The following KAZN variants were observed in gnomAD, a reference collection of about 807,000 sequenced individuals.
KAZN encodes the protein kazrin, periplakin interacting protein.
A neutral mutation model predicts 87.4 loss-of-function variants in KAZN; 40 were observed. The ratio of observed to expected loss-of-function variants is 0.46; its 90% confidence interval spans 0.36 to 0.60. KAZN has a LOEUF of 0.60. Ranked by LOEUF, KAZN falls within the 20% of genes least tolerant of loss-of-function variation. KAZN has a pLI of 0.00. For synonymous variants in KAZN, 466 were observed against 458.3 expected, an observed-to-expected ratio of 1.02 and a Z score of -0.22; for missense variants, 898 against 1,073.9, an observed-to-expected ratio of 0.84 and a Z score of 2.29.
intron 2 of KAZN, among the ~76,000 whole-genome samples, chr1:14,412,819 A>G (rs1031842615): frequency 4.0e-5 from 6 of 151,610 alleles, no homozygotes; most frequent in Admixed American, 6.6e-5. Flanking sequence ...AAAAAGAACA[A>G]TATGGGGAGG....
At chr1:14,634,171 C>T (rs1010960645) in intron 1 of KAZN, among the ~76,000 whole-genome samples, 10 of 152,004 alleles carry the variant, frequency 6.6e-5, no homozygotes, top group African/African-American at 2.4e-4. Flanking sequence ...CAATGGATGC[C>T]GTTTATCGTA....
At chr1:14,371,284 G>A (rs1660464358) in intron 2 of KAZN, among the ~76,000 whole-genome samples, 2 of 152,142 alleles carry the variant, frequency 1.3e-5, no homozygotes, top group African/African-American at 4.8e-5. Context: ...GCCTCTTATG[G>A]GGGGCAAATG....
chr1:14,683,582 A>G (rs1572216235), intron 1 of KAZN, among the ~76,000 whole-genome samples: 1 of 152,214 alleles, frequency 6.6e-6, no homozygotes, highest in East Asian at 1.9e-4. Flanking sequence ...TGATAAATGG[A>G]TGCACATTGC....
At chr1:13,916,622 TA>T (rs1306469737) in intron 1 of KAZN, among the ~76,000 whole-genome samples, 1 of 152,054 alleles carries the variant, frequency 6.6e-6, no homozygotes, top group African/African-American at 2.4e-5. Flanking sequence ...CAAATGTATG[TA>T]AAATTACAAC....
chr1:14,426,257 C>T (rs944202813), intron 2 of KAZN, among the ~76,000 whole-genome samples: 5 of 152,196 alleles, frequency 3.3e-5, no homozygotes, highest in African/African-American at 7.2e-5. Context: ...GGGCTCAGCT[C>T]AAATGTCACC....
At chr1:15,060,463 G>A (rs1267613735) in intron 6 of KAZN, 161 bp downstream of exon 6, 48 of 967,148 alleles carry the variant, frequency 5.0e-5, no homozygotes, top group African/African-American at 6.6e-5. Context: ...TGCAAGAAGC[G>A]ATGGATGTGG....
At chr1:14,176,960 C>T (rs1222877731) in intron 1 of KAZN, among the ~76,000 whole-genome samples, 1 of 152,102 alleles carries the variant, frequency 6.6e-6, no homozygotes, top group Non-Finnish European at 1.5e-5. Context: ...GAGTTCGAGA[C>T]CAGCCTGGCC....
intron 3 of KAZN, among the ~76,000 whole-genome samples, chr1:15,042,545 G>A (rs1388489059): frequency 6.6e-6 from 1 of 152,138 alleles, no homozygotes; most frequent in Admixed American, 6.5e-5. Flanking sequence ...CTCTCCAGGT[G>A]GATTCCTTCA....
chr1:14,459,319 G>A (rs1667737773), intron 2 of KAZN, among the ~76,000 whole-genome samples: 1 of 151,910 alleles, frequency 6.6e-6, no homozygotes, highest in African/African-American at 2.4e-5. Context: ...GCCCATGTGT[G>A]TATGAATGCA....
chr1:14,715,538 G>A (rs905253878), intron 1 of KAZN, among the ~76,000 whole-genome samples: 1 of 152,174 alleles, frequency 6.6e-6, no homozygotes, highest in Non-Finnish European at 1.5e-5. Flanking sequence ...TCAGCGCTCC[G>A]AAAACAGGCT....
At chr1:14,627,234 G>A (rs1679209905) in intron 1 of KAZN, among the ~76,000 whole-genome samples, 1 of 151,974 alleles carries the variant, frequency 6.6e-6, no homozygotes, top group Non-Finnish European at 1.5e-5. Flanking sequence ...TGGGATGTCA[G>A]GGGGCCAAGC....
chr1:15,014,736 A>G (rs113876237), intron 2 of KAZN, among the ~76,000 whole-genome samples: 17 of 152,282 alleles, frequency 1.1e-4, no homozygotes, highest in African/African-American at 3.4e-4. Flanking sequence ...GCTGCAGGCA[A>G]TTCTAAAGGG....
At chr1:14,069,198 G>C (rs189502423) in intron 1 of KAZN, among the ~76,000 whole-genome samples, 1 of 152,166 alleles carries the variant, frequency 6.6e-6, no homozygotes, top group Non-Finnish European at 1.5e-5. Context: ...GATGGAACCT[G>C]GTAAGTGAGT....
intron 2 of KAZN, among the ~76,000 whole-genome samples, chr1:14,486,727 C>T (rs1669368983): frequency 6.6e-6 from 1 of 152,180 alleles, no homozygotes; most frequent in Non-Finnish European, 1.5e-5. Context: ...GCCACTAACA[C>T]CTTCAGGCTT....
chr1:14,315,639 A>C (rs537370125), intron 2 of KAZN, among the ~76,000 whole-genome samples: 4 of 152,146 alleles, frequency 2.6e-5, no homozygotes, highest in Admixed American at 2.6e-4. Flanking sequence ...TTTCATATAA[A>C]TGGGATGATG....
At chr1:14,686,306 A>G (rs1572222217) in intron 1 of KAZN, among the ~76,000 whole-genome samples, 1 of 151,842 alleles carries the variant, frequency 6.6e-6, no homozygotes, top group African/African-American at 2.4e-5. Context: ...CTCATGATCC[A>G]CCTGCCTCGA....
chr1:14,212,562 G>A (rs577996584), intron 2 of KAZN, among the ~76,000 whole-genome samples: 1 of 151,976 alleles, frequency 6.6e-6, no homozygotes, highest in Non-Finnish European at 1.5e-5. Context: ...CTCTTAGAAT[G>A]GAATAGAAAG....
chr1:13,996,518 G>A (rs12741996), intron 1 of KAZN, among the ~76,000 whole-genome samples: 3,615 of 152,332 alleles, frequency 0.024, 73 homozygotes, highest in Middle Eastern at 0.041. Context: ...GTCAGGGGAG[G>A]GAGGGAGGCT....
chr1:14,657,087 T>TA (rs1638842258), intron 1 of KAZN, among the ~76,000 whole-genome samples: 1 of 133,748 alleles, frequency 7.5e-6, no homozygotes, highest in Non-Finnish European at 1.6e-5. Context: ...CTTTTTTTTT[T>TA]TTTTTTTTTT....
Sources: allele counts gnomAD v4.1 joint callset (sites outside exome capture counted in the v4.1 genomes callset), GRCh38; gene constraint gnomAD v4.1.1; transcripts MANE v1.5; gene names NCBI Gene and HGNC (gene_info 2026-07-23, HGNC 2026-07-21).